The following FOXP1 variants were observed in gnomAD, a reference collection of about 807,000 sequenced individuals.
FOXP1 encodes forkhead box P1.
In FOXP1, 15 loss-of-function variants were observed where a neutral mutation model predicts 98.2. The ratio of observed to expected loss-of-function variants is 0.15; its 90% CI spans 0.10 to 0.24. FOXP1 has a LOEUF of 0.24. FOXP1 is among the 10% of genes least tolerant of loss of function. FOXP1 has a pLI of 1.00. For missense variants in FOXP1, 633 were observed against 848.5 expected (o/e 0.75, Z 3.15); for synonymous variants, 371 against 314.5 (o/e 1.18, Z -1.90).
chr3:71,024,237 A>C (rs1034585408), intron 11 of FOXP1, among the ~76,000 whole-genome samples: 1 of 152,208 alleles, frequency 6.6e-6, no homozygotes, highest in African/African-American at 2.4e-5. Context: ...CAGCTTTGTA[A>C]AAATGACCTT....
rs545311913 is a variant in FOXP1, at chr3:71,558,296, T to C, written c.-298+23253A>G. ...CGTGCCCCTTCCCTAACAGGGGCCA[T>C]TAACCTCAGGGAAAGCTGGCTCTAC... On this transcript the variant is annotated intron_variant, in intron 2 of 20. Transcript: ENST00000649528. Among the ~76,000 whole-genome samples the C allele has an allele frequency of 2.6e-5, 4 of 152,270 alleles. No individual in the cohort carries two copies. In the East Asian group the frequency reaches 7.7e-4, roughly 29 times the overall value.
intron 2 of FOXP1, among the ~76,000 whole-genome samples, chr3:71,562,101 G>A (rs1427356599): frequency 1.3e-5 from 2 of 152,062 alleles, no homozygotes; most frequent in African/African-American, 4.8e-5. Flanking sequence ...CTCAGTCTTG[G>A]GCTTCTATCC....
intron 4 of FOXP1, among the ~76,000 whole-genome samples, chr3:71,326,397 C>T (rs766608568): frequency 5.3e-5 from 8 of 152,158 alleles, no homozygotes; most frequent in Non-Finnish European, 1.0e-4. Context: ...CAATAATCAT[C>T]GTAATAAAGC....
chr3:71,458,017 C>T lies in FOXP1; in HGVS notation c.-168+35409G>A, dbSNP rs2087667108. 2.0e-5 allele frequency among the ~76,000 whole-genome samples: 3 copies of T among 152,170 alleles called. No homozygotes were observed. The South Asian group carries it at 6.2e-4, about 31-fold the overall frequency. On this transcript the variant is annotated intron_variant, in intron 3 of 20. Coordinates refer to ENST00000649528, the MANE Select transcript of FOXP1 (RefSeq NM_001349338.3). ...AAAATTAGAGTTCAGCCCTTTCTTTCTCTCCATTTTCGTAATCTCACAGAG... is the reference window on the plus strand; with the variant it reads ...AAAATTAGAGTTCAGCCCTTTCTTTTTCTCCATTTTCGTAATCTCACAGAG...
chr3:71,031,269 C>T (rs1177360695), intron 11 of FOXP1, among the ~76,000 whole-genome samples: 1 of 152,164 alleles, frequency 6.6e-6, no homozygotes, highest in Non-Finnish European at 1.5e-5. Context: ...ATCGGCTTGC[C>T]ATTAGACTGA....
At chr3:70,970,301 TAC>T in intron 19 of FOXP1, 1 of 200,924 alleles carries the variant, frequency 5.0e-6, no homozygotes, top group South Asian at 8.3e-5. Flanking sequence ...GCCAAGATGC[TAC>T]AGTCGACTTT....
chr3:71,551,749 A>G (rs529123097), intron 2 of FOXP1, among the ~76,000 whole-genome samples: 27 of 152,360 alleles, frequency 1.8e-4, no homozygotes, highest in Admixed American at 2.0e-4. Context: ...GTGATACAAC[A>G]AAACTGCCTC....
chr3:71,277,439 T>C (rs576825864), intron 5 of FOXP1, among the ~76,000 whole-genome samples: 1 of 152,246 alleles, frequency 6.6e-6, no homozygotes, highest in South Asian at 2.1e-4. Flanking sequence ...TACAGCACAA[T>C]TTCTTTATCC....
intron 6 of FOXP1, among the ~76,000 whole-genome samples, chr3:71,149,599 T>C (rs1437401955): frequency 6.6e-6 from 1 of 152,230 alleles, no homozygotes; most frequent in South Asian, 2.1e-4. Flanking sequence ...CTTTTATCAG[T>C]CAAATAAGCT....
intron 1 of FOXP1, 143 bp downstream of exon 1, chr3:71,583,426 GTT>G: frequency 2.7e-6 from 2 of 727,620 alleles, no homozygotes; most frequent in Non-Finnish European, 3.3e-6. Flanking sequence ...GAAAGTAGTT[GTT>G]TTTTTTTTTC....
chr3:71,228,497 T>C (rs1422334847), intron 5 of FOXP1, among the ~76,000 whole-genome samples: 1 of 152,190 alleles, frequency 6.6e-6, no homozygotes, highest in African/African-American at 2.4e-5. Flanking sequence ...ACAACTCTTT[T>C]TTCGTTAAAT....
At chr3:71,411,305 GTGTGTGTGTGTGTA>G (rs1183001395) in intron 3 of FOXP1, among the ~76,000 whole-genome samples, 10 of 150,342 alleles carry the variant, frequency 6.7e-5, no homozygotes, top group South Asian at 4.2e-4. Flanking sequence ...GTGTGTGTGT[GTGTGTGTGTGTGTA>G]TGTGTGTGTG....
At chr3:71,035,790 T>C (rs1176874729) in intron 11 of FOXP1, among the ~76,000 whole-genome samples, 1 of 150,022 alleles carries the variant, frequency 6.7e-6, no homozygotes, top group Non-Finnish European at 1.5e-5. Flanking sequence ...AAAACTGAAA[T>C]GAGGAAAAAC....
At chr3:71,051,503 G>A (rs2049888149) in intron 9 of FOXP1, among the ~76,000 whole-genome samples, 1 of 152,204 alleles carries the variant, frequency 6.6e-6, no homozygotes, top group Admixed American at 6.5e-5. Flanking sequence ...TTAGGTGAGG[G>A]ACAGGGACGT....
chr3:71,582,790 G>C, intron 1 of FOXP1: 4 of 985,248 alleles, frequency 4.1e-6, no homozygotes, highest in Non-Finnish European at 4.8e-6. Flanking sequence ...GGGTGCGCAG[G>C]TGCGTGTTTG....
At chr3:71,500,631 G>A (rs971775709) in intron 2 of FOXP1, among the ~76,000 whole-genome samples, 5 of 152,166 alleles carry the variant, frequency 3.3e-5, no homozygotes, top group Admixed American at 1.3e-4. Context: ...TACCCTTAAA[G>A]ATGTCCCCTC....
intron 17 of FOXP1, among the ~76,000 whole-genome samples, chr3:70,973,415 T>C (rs960791943): frequency 6.6e-6 from 1 of 152,258 alleles, no homozygotes; most frequent in Admixed American, 6.5e-5. Flanking sequence ...TGATGGTTTC[T>C]GCAGACATAT....
In FOXP1 at chr3:71,582,885, C is replaced by T. The variant is rs968332667; in HGVS notation, c.-447+686G>A. 3 of 880,286 alleles carry T rather than the reference C, an allele frequency of 3.4e-6. No individual in the cohort carries two copies. In the African/African-American group the frequency reaches 5.4e-5, roughly 16 times the overall value. 54.5% of individuals were successfully genotyped at this position (880,286 alleles called of 1,614,324 possible). ...ACGCGCGCGTGGCAGCGGGGAAGTT[C>T]CCCAGTGCGGGGCCCAGGGCCAGGC... On this transcript the variant is annotated intron_variant, in intron 1 of 20. Transcript: ENST00000649528.
chr3:71,031,745 C>CAAACA (rs2046897892), intron 11 of FOXP1, among the ~76,000 whole-genome samples: 4 of 151,498 alleles, frequency 2.6e-5, no homozygotes, highest in Admixed American at 2.0e-4. Context: ...AACAAACAAA[C>CAAACA]AAAAAACAAA....
Sources: allele counts gnomAD v4.1 joint callset (sites outside exome capture counted in the v4.1 genomes callset), GRCh38; gene constraint gnomAD v4.1.1; transcripts MANE v1.5; gene names NCBI Gene and HGNC (gene_info 2026-07-23, HGNC 2026-07-21).